Variants in TFEB observed in about 807,000 individuals in gnomAD.
TFEB encodes the protein transcription factor EB.
TFEB carries 12 observed loss-of-function variants against 48.0 expected under a neutral mutation model. The ratio of observed to expected loss-of-function variants is 0.25; its 90% CI spans 0.16 to 0.40. The LOEUF (loss-of-function observed/expected upper bound fraction) is 0.40. Among genes scored for constraint, TFEB ranks in the 10% least tolerant of loss-of-function variants. TFEB has a pLI of 1.00. For missense variants in TFEB, 509 were observed against 640.3 expected, an observed-to-expected ratio of 0.79 and a Z score of 2.21; for synonymous variants, 244 against 261.4, an observed-to-expected ratio of 0.93 and a Z score of 0.64.
chr6:41,684,446 G>T lies in TFEB; in HGVS notation c.*153C>A, dbSNP rs1235690246. On this transcript the variant is annotated 3_prime_UTR_variant, in exon 9 of 9. Transcript: ENST00000373033. ...TCCTGACCCCACAGGCTGCCAGACAGGCACTAAGTCCAAACAGGGGCCAAC... is the reference window on the plus strand; with the variant it reads ...TCCTGACCCCACAGGCTGCCAGACATGCACTAAGTCCAAACAGGGGCCAAC... 5.2e-6 allele frequency: 5 copies of T among 960,160 alleles called. No individual in the cohort carries two copies. The highest frequency in any genetic ancestry group is 1.4e-6 in the Non-Finnish European group (1 of 702,634). The allele number at this position is 960,160 out of a possible 1,614,324, so 59.5% of individuals were successfully genotyped here.
intron 1 of TFEB, among the ~76,000 whole-genome samples, chr6:41,728,631 G>A (rs1771313637): frequency 1.3e-5 from 2 of 151,972 alleles, no homozygotes; most frequent in South Asian, 4.2e-4. Flanking sequence ...TGGCAAACAG[G>A]AGAAAACAAA....
intron 1 of TFEB, among the ~76,000 whole-genome samples, chr6:41,707,999 C>T (rs562390573): frequency 2.6e-5 from 4 of 152,196 alleles, no homozygotes; most frequent in South Asian, 4.1e-4. Context: ...GGCTCTGTGG[C>T]GCTCAGCACG....
At chr6:41,719,110 T>C (rs1480247420) in intron 1 of TFEB, among the ~76,000 whole-genome samples, 13 of 152,170 alleles carry the variant, frequency 8.5e-5, no homozygotes, top group Admixed American at 8.5e-4. Context: ...TGGATTCTTA[T>C]AGGAGTGCAA....
At chr6:41,701,958 A>AAAAG (rs2127456990) in intron 1 of TFEB, among the ~76,000 whole-genome samples, 1 of 151,884 alleles carries the variant, frequency 6.6e-6, no homozygotes, top group South Asian at 2.1e-4. Flanking sequence ...AAAAAAAAAA[A>AAAAG]AAGAAAGATT....
intron 6 of TFEB, 76 bp downstream of exon 6, chr6:41,687,677 C>A: frequency 6.3e-7 from 1 of 1,590,214 alleles, no homozygotes; most frequent in South Asian, 1.1e-5. Context: ...CAGTGCAGGT[C>A]AGGGAGTGGC....
At position 41,723,855 on chromosome 6, in the gene TFEB, ACAGAG is replaced by A. The variant is rs1250259791; in HGVS notation, c.-23+11490_-23+11494del. ...GAGGGCCCTAGGCAGATGGAGAGAC[ACAGAG>A]CAGCAAGAATTTCGCCAGAGTCCCA... On this transcript the variant is annotated intron_variant, in intron 1 of 8. Coordinates refer to ENST00000373033, the MANE Select transcript of TFEB (RefSeq NM_001271944.2). This position sits in a 1 kb window ranked among gnomAD's most constrained non-coding sequence, Gnocchi z 6.0. 1 of 481,188 alleles carries A rather than the reference ACAGAG, an allele frequency of 2.1e-6. No individual in the cohort carries two copies. The highest frequency in any genetic ancestry group is 6.2e-5 in the East Asian group (1 of 16,118). 29.8% of individuals were successfully genotyped at this position (481,188 alleles called of 1,614,324 possible).
chr6:41,736,064 A>G, upstream of TFEB: 3 of 1,572,170 alleles, frequency 1.9e-6, no homozygotes, highest in Non-Finnish European at 2.6e-6. Context: ...GGCCAGGGTG[A>G]GCCTGGCGAA....
rs1769282428 is a variant in TFEB at position 41,691,069 on chromosome 6, G to A, written c.145C>T (p.Pro49Ser). The change falls in exon 2 of 9, where the codon CCC becomes TCC. Residue 49 changes from proline (P) to serine (S), a missense_variant. Pro to Ser is a moderately conservative substitution (Grantham distance 74, BLOSUM62 -1). Around this residue, in one of 4 missense-constraint regions of TFEB, gnomAD observed 251 missense variants for 317.2 expected, o/e 0.79. Coordinates refer to ENST00000373033, the MANE Select transcript of TFEB (RefSeq NM_001271944.2). The surrounding 1 kb of genome is among the most constrained non-coding windows in gnomAD (Gnocchi z 5.2). ...QQQQQQLGGP[P>S]TPAINTPVHF... is the part of the protein sequence containing the mutation. ...ACGGGGGTATTGATGGCCGGGGTGG[G>A]CGGCCCTCCGAGCTGCTGCTGTTGC... 6.4e-7 allele frequency: 1 copy of A among 1,571,316 alleles called. No individual in the cohort carries two copies. Among genetic ancestry groups the A allele is most frequent in the Non-Finnish European group, 8.6e-7 (1 of 1,157,266 alleles).
chr6:41,697,427 A>AAAAAAAAAAAAAAAAAAAAG (rs1769655029), intron 1 of TFEB, among the ~76,000 whole-genome samples: 3 of 145,200 alleles, frequency 2.1e-5, no homozygotes, highest in African/African-American at 7.8e-5. Flanking sequence ...AAAAAAAAAA[A>AAAAAAAAAAAAAAAAAAAAG]GAATGAGGGC....
chr6:41,720,910 C>T lies in TFEB; in HGVS notation c.-23+14440G>A, dbSNP rs1387531017. On this transcript the variant is annotated intron_variant, in intron 1 of 8. Transcript: ENST00000373033. This position sits in a 1 kb window ranked among gnomAD's most constrained non-coding sequence, Gnocchi z 4.1. ...TTGAATAATCCTGAGACCCCAACCT[C>T]CACCCAACCCCCTGCTCCAGCAAGC... is the stretch of plus-strand genomic sequence containing the variant. 2.0e-5 allele frequency among the ~76,000 whole-genome samples: 3 copies of T among 152,182 alleles called. No homozygotes were observed. The highest frequency in any genetic ancestry group is 4.4e-5 in the Non-Finnish European group (3 of 68,024).
chr6:41,688,408 G>A (rs758574721), intron 4 of TFEB, among the ~76,000 whole-genome samples: 4 of 152,124 alleles, frequency 2.6e-5, no homozygotes, highest in East Asian at 1.9e-4. Flanking sequence ...AAGGCACTCC[G>A]GGCAGCCACC....
intron 7 of TFEB, 47 bp downstream of exon 7, chr6:41,687,047 T>A (rs1382632443): frequency 5.8e-6 from 9 of 1,544,754 alleles, no homozygotes; most frequent in Non-Finnish European, 8.1e-6. Context: ...ACTTGTCAGC[T>A]GCTGCCCACC....
Position 41,691,091 on chromosome 6 carries a change from T to TTGCTGCTGCTGCTGC in TFEB, c.108_122dup (p.Gln40_Gln44dup). ...TGGGCGGCCCTCCGAGCTGCTGCTG[T>TTGCTGCTGCTGCTGC]TGCTGCTGCTGCTGCTGCTGCATGT... On this transcript the variant is annotated inframe_insertion, in exon 2 of 9. Coordinates refer to ENST00000373033, the MANE Select transcript of TFEB (RefSeq NM_001271944.2). This position sits in a 1 kb window ranked among gnomAD's most constrained non-coding sequence, Gnocchi z 5.2. 6.3e-7 allele frequency: 1 copy of TTGCTGCTGCTGCTGC among 1,577,164 alleles called. No individual in the cohort carries two copies. Among genetic ancestry groups the TTGCTGCTGCTGCTGC allele is most frequent in the Non-Finnish European group, 8.6e-7 (1 of 1,160,160 alleles).
intron 1 of TFEB, among the ~76,000 whole-genome samples, chr6:41,697,487 A>C (rs115932514): frequency 7.8e-6 from 1 of 128,992 alleles, no homozygotes; most frequent in Non-Finnish European, 1.6e-5. Context: ...CTTCACCAAC[A>C]CCACCCCTTC....
chr6:41,712,768 G>A (rs994937211), intron 1 of TFEB, among the ~76,000 whole-genome samples: 5 of 152,114 alleles, frequency 3.3e-5, no homozygotes, highest in Admixed American at 3.3e-4. Flanking sequence ...CGTTACTCTG[G>A]AGTGGAGCTG....
intron 7 of TFEB, 42 bp downstream of exon 7, chr6:41,687,052 C>T (rs1339552447): frequency 1.1e-5 from 18 of 1,573,696 alleles, no homozygotes; most frequent in Non-Finnish European, 1.6e-5. Context: ...TCAGCTGCTG[C>T]CCACCCAGAC....
Position 41,731,637 on chromosome 6 carries a change from T to G in TFEB, c.-23+3713A>C, listed in dbSNP as rs193290896. Among the ~76,000 whole-genome samples, 5 of 152,220 alleles carry G rather than the reference T, an allele frequency of 3.3e-5. No homozygotes were observed. The East Asian group carries it at 9.7e-4, about 29-fold the overall frequency. ...GAGACCTGCCCAGCCACACAGCCAGTGAGAGGCACAGTGGGGTCTCTCGAC... is the reference window on the plus strand; with the variant it reads ...GAGACCTGCCCAGCCACACAGCCAGGGAGAGGCACAGTGGGGTCTCTCGAC... On this transcript the variant is annotated intron_variant, in intron 1 of 8. Transcript: ENST00000373033.
intron 1 of TFEB, among the ~76,000 whole-genome samples, chr6:41,727,894 G>A (rs941645349): frequency 1.3e-5 from 2 of 152,160 alleles, no homozygotes; most frequent in African/African-American, 4.8e-5. Flanking sequence ...AAAGGCTCCA[G>A]CAGCCTCTAG....
At chr6:41,686,912 T>G in intron 7 of TFEB, 182 bp downstream of exon 7, 1 of 626,080 alleles carries the variant, frequency 1.6e-6, no homozygotes. Flanking sequence ...GAAACTCATC[T>G]GTCTTGAGCT....
Sources: gnomAD v4.1 joint callset for allele counts (sites outside exome capture counted in the v4.1 genomes callset) on GRCh38, gnomAD v4.1.1 for gene constraint, gnomAD v4.1.1 regional missense constraint, Gnocchi (gnomAD v3.1) non-coding constraint, MANE v1.5 for transcripts, NCBI Gene and HGNC (gene_info 2026-07-23, HGNC 2026-07-21) for gene names.